The following ACTN4 variants were observed in gnomAD, a reference collection of about 807,000 sequenced individuals.
ACTN4 encodes alpha-actinin-4.
ACTN4 carries 18 observed loss-of-function variants against 114.2 expected under a neutral mutation model. The observed-to-expected ratio is 0.16, with a 90% CI of 0.11 to 0.23. ACTN4 has a LOEUF of 0.23. ACTN4 is among the 10% of genes least tolerant of loss of function. The pLI is 1.00. For missense variants in ACTN4, 722 were observed against 1,262.9 expected, an observed-to-expected ratio of 0.57 and a Z score of 6.49; for synonymous variants, 515 against 506.3, an observed-to-expected ratio of 1.02 and a Z score of -0.23.
At chr19:38,681,069 T>C (rs934790784) in intron 1 of ACTN4, among the ~76,000 whole-genome samples, 4 of 132,742 alleles carry the variant, frequency 3.0e-5, no homozygotes, top group African/African-American at 1.2e-4. Context: ...GAGGTTGCAG[T>C]GAGCTGAGAT....
chr19:38,665,578 C>T (rs926531753), intron 1 of ACTN4, among the ~76,000 whole-genome samples: 1 of 152,168 alleles, frequency 6.6e-6, no homozygotes, highest in Non-Finnish European at 1.5e-5. Context: ...CAGGAAGCGC[C>T]AAGTCCTGAG....
intron 12 of ACTN4, 96 bp downstream of exon 12, chr19:38,721,784 G>C (rs1251162723): frequency 3.9e-6 from 6 of 1,555,350 alleles, no homozygotes; most frequent in Admixed American, 1.8e-5. Flanking sequence ...CTGCCTCAAG[G>C]CCTGGAATAG....
At chr19:38,673,692 TATA>T (rs1265296756) in intron 1 of ACTN4, among the ~76,000 whole-genome samples, 2 of 74,572 alleles carry the variant, frequency 2.7e-5, no homozygotes, top group African/African-American at 5.1e-5. Flanking sequence ...TTATATATAT[TATA>T]TATATTTATA....
rs1031901984 is a variant in ACTN4, at chr19:38,647,732, C to T, written c.-14C>T. 2.6e-6 allele frequency: 4 copies of T among 1,536,960 alleles called. No homozygotes were observed. The highest frequency in any genetic ancestry group is 2.0e-5 in the Admixed American group (1 of 50,364). On this transcript the variant is annotated 5_prime_UTR_variant, in exon 1 of 21. Coordinates refer to ENST00000252699, the MANE Select transcript of ACTN4 (RefSeq NM_004924.6). Reference sequence around the variant, plus strand: ...GGGAGCGGACAGGCTGGTGGGCGAGCGAGAGGCGGCGGAATGGTGGACTAC... The same window carrying T: ...GGGAGCGGACAGGCTGGTGGGCGAGTGAGAGGCGGCGGAATGGTGGACTAC...
intron 1 of ACTN4, 79 bp from the exon 2 acceptor site, chr19:38,700,521 C>T: frequency 8.3e-7 from 1 of 1,208,572 alleles, no homozygotes; most frequent in Non-Finnish European, 1.2e-6. Context: ...GAGGTCAGAG[C>T]TGCGGCCCTG....
intron 1 of ACTN4, among the ~76,000 whole-genome samples, chr19:38,659,148 C>T (rs1976803156): frequency 7.0e-6 from 1 of 142,526 alleles, no homozygotes; most frequent in Non-Finnish European, 1.5e-5. Context: ...GCAACCTCCG[C>T]ATCCTGGGTT....
intron 3 of ACTN4, among the ~76,000 whole-genome samples, chr19:38,701,952 G>A (rs929471571): frequency 6.6e-6 from 1 of 152,254 alleles, no homozygotes; most frequent in Non-Finnish European, 1.5e-5. Flanking sequence ...TGTGTGCTGA[G>A]TTCCAAGGCT....
At chr19:38,664,963 G>T (rs78789029) in intron 1 of ACTN4, among the ~76,000 whole-genome samples, 1 of 152,152 alleles carries the variant, frequency 6.6e-6, no homozygotes, top group East Asian at 1.9e-4. Flanking sequence ...GGTCCCAGGG[G>T]CTGGGAGGAG....
In ACTN4 at chr19:38,695,114, A is replaced by G. The variant is rs200593739; in HGVS notation, c.163-5486A>G. On this transcript the variant is annotated intron_variant, in intron 1 of 20. Coordinates refer to ENST00000252699, the MANE Select transcript of ACTN4 (RefSeq NM_004924.6). ...GATCTCAAACTCCTGTGCTAAAGCA[A>G]TCCTCCCGCCTCGGCCTCCTAAAGT... Among the ~76,000 whole-genome samples, 5 of 152,276 alleles carry G rather than the reference A, an allele frequency of 3.3e-5. No homozygotes were observed. In the East Asian group the frequency reaches 7.7e-4, roughly 24 times the overall value.
At chr19:38,709,347 C>T in intron 6 of ACTN4, 48 bp from the exon 7 acceptor site, 1 of 1,438,000 alleles carries the variant, frequency 7.0e-7, no homozygotes, top group Non-Finnish European at 9.8e-7. Context: ...CCTGCTCCTG[C>T]ACCCTGCCCT....
rs1969418655 is a variant in ACTN4, at chr19:38,729,806, C to G, written c.*374C>G. Reference sequence around the variant, plus strand: ...GCTCTGAGGTCCCTTCAAGGCCTCCCCAATCCAGGCCAAAGCCCCATGTGC... The same window carrying G: ...GCTCTGAGGTCCCTTCAAGGCCTCCGCAATCCAGGCCAAAGCCCCATGTGC... On this transcript the variant is annotated 3_prime_UTR_variant, in exon 21 of 21. Transcript: ENST00000252699. 1 of 425,802 alleles carries G rather than the reference C, an allele frequency of 2.3e-6. No homozygotes were observed. Among genetic ancestry groups the G allele is most frequent in the Non-Finnish European group, 4.6e-6 (1 of 217,082 alleles). The allele number at this position is 425,802 out of a possible 1,614,324, so 26.4% of individuals were successfully genotyped here. A position where few individuals can be genotyped will look rare whatever the true frequency, so the allele number is the denominator to read the frequency against.
At chr19:38,711,938 G>A (rs1968666963) in intron 8 of ACTN4, among the ~76,000 whole-genome samples, 1 of 152,218 alleles carries the variant, frequency 6.6e-6, no homozygotes, top group Admixed American at 6.5e-5. Context: ...GCTCCTGCCG[G>A]GCCCTCAGCG....
At chr19:38,728,445 T>TCCTCCTCCTCCTCCC in intron 19 of ACTN4, 1 of 828,868 alleles carries the variant, frequency 1.2e-6, no homozygotes, top group Non-Finnish European at 1.5e-6. Flanking sequence ...CTCCTCCTCC[T>TCCTCCTCCTCCTCCC]CCTCCCCCCC....
chr19:38,701,668 C>G (rs1181539863), intron 3 of ACTN4, among the ~76,000 whole-genome samples: 1 of 152,214 alleles, frequency 6.6e-6, no homozygotes, highest in African/African-American at 2.4e-5. Context: ...CTGGGCCCCA[C>G]GTAGATAACC....
intron 1 of ACTN4, among the ~76,000 whole-genome samples, chr19:38,675,135 G>A (rs549875542): frequency 6.6e-6 from 1 of 152,188 alleles, no homozygotes; most frequent in Non-Finnish European, 1.5e-5. Flanking sequence ...CTGTGTTGCT[G>A]GTGGGAGATG....
chr19:38,723,749 G>T (rs1172517088), intron 13 of ACTN4, 27 bp downstream of exon 13: 1 of 1,569,892 alleles, frequency 6.4e-7, no homozygotes, highest in Non-Finnish European at 8.7e-7. Flanking sequence ...ATCACCCACG[G>T]AGCTCTGTGC....
Position 38,706,106 on chromosome 19 carries a change from G to C in ACTN4, c.547G>C (p.Val183Leu), listed in dbSNP as rs571812757. ...GAGAAAGACAGCCCCGTATAAGAAC[G>C]TCAATGTGCAGAACTTCCACATCAG... Reference protein sequence around the residue: ...CQRKTAPYKNVNVQNFHISWK... With the variant: ...CQRKTAPYKNLNVQNFHISWK... The change falls in exon 5 of 21, where the codon GTC becomes CTC. Residue 183 changes from valine (V) to leucine (L), a missense_variant. This residue lies in a region of ACTN4 where 127 missense variants were observed against 311.3 expected (regional missense o/e 0.41). Transcript: ENST00000252699. 2 of 1,614,016 alleles carry C rather than the reference G, an allele frequency of 1.2e-6. No homozygotes were observed. The highest frequency in any genetic ancestry group is 1.7e-6 in the Non-Finnish European group (2 of 1,179,982).
chr19:38,660,500 AT>A (rs1321375838), intron 1 of ACTN4, among the ~76,000 whole-genome samples: 2 of 151,956 alleles, frequency 1.3e-5, no homozygotes, highest in Admixed American at 6.5e-5. Context: ...GGTTCAAGCA[AT>A]TCTCCTGCCT....
intron 1 of ACTN4, among the ~76,000 whole-genome samples, chr19:38,654,078 G>C (rs744452): frequency 1.3e-5 from 2 of 151,772 alleles, no homozygotes; most frequent in African/African-American, 4.8e-5. Flanking sequence ...AGTGGCCCAG[G>C]TATCACTTAA....
Sources: allele counts gnomAD v4.1 joint callset (sites outside exome capture counted in the v4.1 genomes callset), GRCh38; gene constraint gnomAD v4.1.1; regional missense constraint gnomAD v4.1.1; transcripts MANE v1.5; gene names NCBI Gene and HGNC (gene_info 2026-07-23, HGNC 2026-07-21).